Variants in SPAM1 observed in about 807,000 individuals in gnomAD.
The protein encoded by SPAM1 is hyaluronidase PH-20.
SPAM1 carries 22 observed loss-of-function variants against 29.6 expected under a neutral mutation model. The observed-to-expected ratio is 0.74, with a 90% CI of 0.53 to 1.06. The LOEUF (loss-of-function observed/expected upper bound fraction) is 1.06. SPAM1 is among the 50% of genes least tolerant of loss of function. The probability of loss-of-function intolerance (pLI) is 0.00; values close to 1 mark genes in which losing one functional copy is unlikely to be tolerated. For synonymous variants in SPAM1, 194 were observed against 204.6 expected (o/e 0.95, Z 0.44); for missense variants, 534 against 604.0 (o/e 0.88, Z 1.21).
At chr7:123,956,322 A>G (rs1276645151) in intron 4 of SPAM1, among the ~76,000 whole-genome samples, 4 of 151,988 alleles carry the variant, frequency 2.6e-5, no homozygotes, top group Admixed American at 2.6e-4. Flanking sequence ...ACTTCTGATC[A>G]TTTTAAATAA....
At chr7:123,965,549 T>C (rs1473296585) in intron 5 of SPAM1, among the ~76,000 whole-genome samples, 1 of 152,082 alleles carries the variant, frequency 6.6e-6, no homozygotes, top group Non-Finnish European at 1.5e-5. Context: ...GTACCATTTA[T>C]GAAATAGGGA....
rs766513388 is a variant in SPAM1 at position 123,953,668 on chromosome 7, G to T, written c.98G>T (p.Cys33Phe). The T allele has an allele frequency of 5.6e-6, 9 of 1,613,302 alleles. No individual in the cohort carries two copies. The highest frequency in any genetic ancestry group is 7.6e-6 in the Non-Finnish European group (9 of 1,179,600). ...TTCACCTTCCTTCTGATTCCATGTTGCTTGACTCTGAATTTCAGAGCACCT... is the reference window on the plus strand; with the variant it reads ...TTCACCTTCCTTCTGATTCCATGTTTCTTGACTCTGAATTTCAGAGCACCT... ...IVFTFLLIPC[C>F]LTLNFRAPPV... is the part of the protein sequence containing the mutation. Residue 33 changes from cysteine to phenylalanine, a missense_variant, in exon 3 of 5, where the codon TGC (cysteine) becomes TTC (phenylalanine). By Grantham distance (205) the Cys-to-Phe change is radical. Transcript: ENST00000682466.
chr7:123,963,991 A>G (rs1398901167), downstream of SPAM1, among the ~76,000 whole-genome samples: 1 of 151,894 alleles, frequency 6.6e-6, no homozygotes, highest in Non-Finnish European at 1.5e-5. Flanking sequence ...CCTCTATTAA[A>G]TGATTTAAGG....
At chr7:123,963,481 A>T (rs1284473313), downstream of SPAM1, among the ~76,000 whole-genome samples, 1 of 151,846 alleles carries the variant, frequency 6.6e-6, no homozygotes, top group Non-Finnish European at 1.5e-5. Flanking sequence ...GGAACCAAAG[A>T]TTAGCATTAA....
intron 1 of SPAM1, among the ~76,000 whole-genome samples, chr7:123,945,619 A>G (rs1365017655): frequency 6.6e-6 from 1 of 152,148 alleles, no homozygotes; most frequent in South Asian, 2.1e-4. Flanking sequence ...AGAACACCCC[A>G]AAAAGGGGCA....
intron 1 of SPAM1, among the ~76,000 whole-genome samples, chr7:123,926,331 GCACGGAC>G (rs1357666899): frequency 6.6e-6 from 1 of 152,098 alleles, no homozygotes; most frequent in African/African-American, 2.4e-5. Context: ...TTAGAAAAAG[GCACGGAC>G]CACAGACTGT....
chr7:123,947,578 C>CCA (rs3993662), intron 1 of SPAM1: 14,857 of 147,424 alleles, frequency 0.1, 912 homozygotes, highest in East Asian at 0.19. Context: ...GATTAAAACA[C>CCA]CACACACACA....
chr7:123,938,132 C>A (rs944146661), intron 1 of SPAM1, among the ~76,000 whole-genome samples: 6 of 150,614 alleles, frequency 4.0e-5, no homozygotes, highest in Non-Finnish European at 8.8e-5. Context: ...CACTGTGTTG[C>A]CCAGGCTAGA....
chr7:123,954,791 C>T (rs960407699), intron 3 of SPAM1, among the ~76,000 whole-genome samples: 14 of 151,072 alleles, frequency 9.3e-5, no homozygotes, highest in African/African-American at 2.4e-4. Flanking sequence ...TCTTAGGCCT[C>T]GTCTCTTTTC....
At chr7:123,952,497 A>G (rs961774627) in intron 2 of SPAM1, among the ~76,000 whole-genome samples, 1 of 152,126 alleles carries the variant, frequency 6.6e-6, no homozygotes, top group Non-Finnish European at 1.5e-5. Flanking sequence ...CAAATACTAA[A>G]TGCTGAGTAT....
downstream of SPAM1, among the ~76,000 whole-genome samples, chr7:123,961,536 A>C (rs568019898): frequency 6.6e-6 from 1 of 152,090 alleles, no homozygotes; most frequent in Admixed American, 6.6e-5. Context: ...TCCGTTGTGT[A>C]TATACACCAC....
chr7:123,957,175 C>A (rs565789389), intron 4 of SPAM1, among the ~76,000 whole-genome samples: 3 of 151,776 alleles, frequency 2.0e-5, no homozygotes, highest in African/African-American at 7.2e-5. Flanking sequence ...AAAAAGTACA[C>A]AAGTAAGAGA....
chr7:123,956,835 G>T (rs1792257499), intron 4 of SPAM1, among the ~76,000 whole-genome samples: 1 of 151,974 alleles, frequency 6.6e-6, no homozygotes, highest in African/African-American at 2.4e-5. Flanking sequence ...TCCCAGATCT[G>T]CATTCAGTAA....
intron 5 of SPAM1, among the ~76,000 whole-genome samples, chr7:123,966,411 C>T (rs1031881791): frequency 1.3e-5 from 2 of 151,966 alleles, no homozygotes; most frequent in African/African-American, 4.8e-5. Flanking sequence ...CCAGCAATCC[C>T]ATTACTGGGT....
In SPAM1 at chr7:123,955,000, G is replaced by T. The variant is rs1792216751; in HGVS notation, c.958G>T (p.Glu320Ter). ...DQVLKFLSQD[E>*]LVYTFGETVA... ...CTCTTTCTGTCACATTTTCCAGGAT[G>T]AACTTGTGTATACATTTGGCGAAAC... is the stretch of plus-strand genomic sequence containing the variant. Residue 320 changes from glutamate (E) to a stop codon, truncating the protein, a stop_gained, in exon 4 of 5, where the codon GAA becomes TAA. Coordinates refer to ENST00000682466, the MANE Select transcript of SPAM1 (RefSeq NM_153189.3). LOFTEE classifies it high-confidence loss of function. 1 of 1,608,788 alleles carries T rather than the reference G, an allele frequency of 6.2e-7. No individual in the cohort carries two copies. The highest frequency in any genetic ancestry group is 1.1e-5 in the South Asian group (1 of 90,874).
At chr7:123,961,915 G>C (rs1009522704), downstream of SPAM1, among the ~76,000 whole-genome samples, 2 of 151,884 alleles carry the variant, frequency 1.3e-5, no homozygotes, top group Non-Finnish European at 2.9e-5. Context: ...ATCAGGTCTT[G>C]AGAGACTTAT....
At chr7:123,955,614 G>A (rs188624209) in intron 4 of SPAM1, among the ~76,000 whole-genome samples, 4 of 151,904 alleles carry the variant, frequency 2.6e-5, no homozygotes, top group East Asian at 1.9e-4. Flanking sequence ...GGACCTCAGC[G>A]AATAGTCTAT....
intron 4 of SPAM1, among the ~76,000 whole-genome samples, chr7:123,955,506 A>C (rs1358478433): frequency 6.6e-6 from 1 of 151,942 alleles, no homozygotes; most frequent in East Asian, 1.9e-4. Context: ...GCTGAGTTGA[A>C]GCTGAATTTT....
At position 123,954,403 on chromosome 7, in the gene SPAM1, T is replaced by C. The variant is rs1792199050; in HGVS notation, c.833T>C (p.Val278Ala). 5 of 1,613,444 alleles carry C rather than the reference T, an allele frequency of 3.1e-6. No homozygotes were observed. The highest frequency in any genetic ancestry group is 4.2e-6 in the Non-Finnish European group (5 of 1,179,620). ...QQSPVAATLY[V>A]RNRVREAIRV... ...TCTCCTGTAGCTGCTACACTCTATGTGCGCAATCGAGTTCGGGAAGCCATC... is the reference window on the plus strand; with the variant it reads ...TCTCCTGTAGCTGCTACACTCTATGCGCGCAATCGAGTTCGGGAAGCCATC... Residue 278 changes from valine (V) to alanine (A), a missense_variant, in exon 3 of 5, where the codon GTG becomes GCG. Transcript: ENST00000682466.
Sources: allele counts gnomAD v4.1 joint callset (sites outside exome capture counted in the v4.1 genomes callset), GRCh38; gene constraint gnomAD v4.1.1; transcripts MANE v1.5; gene names NCBI Gene and HGNC (gene_info 2026-07-23, HGNC 2026-07-21).